The following TLK1 variants were observed in gnomAD, a reference collection of about 807,000 sequenced individuals.
TLK1 encodes serine/threonine-protein kinase tousled-like 1.
A neutral mutation model predicts 105.3 loss-of-function variants in TLK1; 24 were observed. The ratio of observed to expected loss-of-function variants is 0.23; its 90% CI spans 0.17 to 0.32. TLK1 has a LOEUF of 0.32. Ranked by LOEUF, TLK1 falls within the 10% of genes least tolerant of loss-of-function variation. The pLI is 1.00. For missense variants in TLK1, 558 were observed against 910.5 expected, an observed-to-expected ratio of 0.61 and a Z score of 4.98; for synonymous variants, 321 against 310.4, an observed-to-expected ratio of 1.03 and a Z score of -0.36.
Position 171,027,553 on chromosome 2 carries a change from C to T in TLK1, c.1236+786G>A, listed in dbSNP as rs186570720. 3.1e-3 allele frequency among the ~76,000 whole-genome samples: 473 copies of T among 152,274 alleles called. 3 individuals are homozygous for T. The highest frequency in any genetic ancestry group is 4.8e-3 in the Non-Finnish European group (326 of 68,008). The stretch of plus-strand genomic sequence containing the variant: ...TATCCCTTTATACTATCACTAAGTG[C>T]TTTTTCCTACGTACATCTTCTAATC... On this transcript the variant is annotated intron_variant, in intron 12 of 20. Coordinates refer to ENST00000431350, the MANE Select transcript of TLK1 (RefSeq NM_012290.5).
intron 3 of TLK1, among the ~76,000 whole-genome samples, chr2:171,065,725 A>AG (rs369115830): frequency 0.016 from 2,431 of 152,158 alleles, 64 homozygotes; most frequent in African/African-American, 0.052. Flanking sequence ...TTTTTAGTAG[A>AG]GGGGGGTTTC....
At position 171,173,459 on chromosome 2, in the gene TLK1, C is replaced by G. The variant is rs973963890; in HGVS notation, c.-5-55602G>C. ...CTGTAGTGCACTGGTTTCATCACAT[C>G]TGACTGCAGCCCCAAACTCCTGGGC... On this transcript the variant is annotated intron_variant, in intron 1 of 20. Coordinates refer to the TLK1 transcript ENST00000521943. 2.0e-5 allele frequency among the ~76,000 whole-genome samples: 3 copies of G among 152,212 alleles called. No individual in the cohort carries two copies. The East Asian group carries it at 5.8e-4, about 29-fold the overall frequency.
chr2:171,125,513 A>G (rs1229413118), intron 1 of TLK1, among the ~76,000 whole-genome samples: 4 of 152,152 alleles, frequency 2.6e-5, no homozygotes, highest in Non-Finnish European at 5.9e-5. Flanking sequence ...CTGGTCACAG[A>G]TGTGGCACTC....
chr2:171,112,607 A>C (rs1453258244), intron 2 of TLK1, among the ~76,000 whole-genome samples: 1 of 152,190 alleles, frequency 6.6e-6, no homozygotes, highest in African/African-American at 2.4e-5. Flanking sequence ...GATAAGGAAA[A>C]AATATGTATT....
intron 8 of TLK1, among the ~76,000 whole-genome samples, chr2:171,051,852 C>A (rs561112932): frequency 1.3e-5 from 2 of 152,248 alleles, no homozygotes; most frequent in South Asian, 4.2e-4. Context: ...ATAGAGCTGG[C>A]AGTATAAGAA....
intron 1 of TLK1, among the ~76,000 whole-genome samples, chr2:171,190,624 C>T (rs933265341): frequency 6.6e-6 from 1 of 152,280 alleles, no homozygotes; most frequent in African/African-American, 2.4e-5. Context: ...AACAAACTTG[C>T]TAGAGGAAAG....
intron 14 of TLK1, among the ~76,000 whole-genome samples, chr2:171,010,933 A>G (rs983953026): frequency 3.3e-5 from 5 of 152,232 alleles, no homozygotes; most frequent in Admixed American, 2.6e-4. Context: ...GATTCTGGAA[A>G]TAAGACAACA....
At chr2:171,154,868 C>A (rs1449542554) in intron 1 of TLK1, among the ~76,000 whole-genome samples, 1 of 152,120 alleles carries the variant, frequency 6.6e-6, no homozygotes, top group East Asian at 1.9e-4. Context: ...ACTTACTACA[C>A]TTATTAATAT....
chr2:171,059,794 G>C, intron 4 of TLK1: 2 of 668,158 alleles, frequency 3.0e-6, no homozygotes, highest in East Asian at 2.7e-5. Context: ...TCTCATAAGG[G>C]AGTGCATAAC....
intron 18 of TLK1, among the ~76,000 whole-genome samples, chr2:170,998,044 CTTTA>C (rs1346376217): frequency 2.0e-4 from 28 of 137,148 alleles, no homozygotes; most frequent in South Asian, 5.1e-4. Context: ...CTCTATCTAT[CTTTA>C]TCTATCTATC....
At chr2:171,191,390 G>A (rs957964967) in intron 1 of TLK1, among the ~76,000 whole-genome samples, 1 of 151,296 alleles carries the variant, frequency 6.6e-6, no homozygotes, top group African/African-American at 2.5e-5. Context: ...GCAACATGGT[G>A]AGACCCACCA....
chr2:171,156,605 G>A (rs982657735), intron 1 of TLK1, among the ~76,000 whole-genome samples: 6 of 152,146 alleles, frequency 3.9e-5, no homozygotes, highest in Non-Finnish European at 8.8e-5. Context: ...CCATTGTAAA[G>A]GAGACATCTG....
chr2:171,089,850 A>G (rs915601970), intron 2 of TLK1, among the ~76,000 whole-genome samples: 1 of 152,086 alleles, frequency 6.6e-6, no homozygotes, highest in Non-Finnish European at 1.5e-5. Context: ...AATTTTATCA[A>G]TAATACCACA....
chr2:171,000,122 A>G (rs1301681222), intron 18 of TLK1, among the ~76,000 whole-genome samples: 2 of 152,114 alleles, frequency 1.3e-5, no homozygotes, highest in African/African-American at 2.4e-5. Context: ...TCATGCCTGT[A>G]ATCCCAGCAC....
At chr2:171,221,839 G>C (rs1326888507) in intron 1 of TLK1, among the ~76,000 whole-genome samples, 1 of 152,178 alleles carries the variant, frequency 6.6e-6, no homozygotes, top group African/African-American at 2.4e-5. Flanking sequence ...AGTCCTATCC[G>C]GTTAGGGCCC....
At chr2:171,137,301 G>A (rs1157786175) in intron 1 of TLK1, among the ~76,000 whole-genome samples, 2 of 151,732 alleles carry the variant, frequency 1.3e-5, no homozygotes, top group African/African-American at 2.4e-5. Context: ...AAAGTTTGCT[G>A]ACTCATGCTC....
At chr2:171,133,547 T>C (rs1691188226) in intron 1 of TLK1, among the ~76,000 whole-genome samples, 1 of 152,102 alleles carries the variant, frequency 6.6e-6, no homozygotes, top group Non-Finnish European at 1.5e-5. Context: ...TGCAGTGAGC[T>C]GAAACTCTAC....
chr2:171,060,784 G>A (rs1342046589), intron 4 of TLK1, among the ~76,000 whole-genome samples: 1 of 151,938 alleles, frequency 6.6e-6, no homozygotes, highest in Non-Finnish European at 1.5e-5. Context: ...TGAGATTGAA[G>A]TTTTTAATTC....
chr2:171,017,611 A>C (rs1238549802), intron 12 of TLK1, among the ~76,000 whole-genome samples: 1 of 152,194 alleles, frequency 6.6e-6, no homozygotes, highest in African/African-American at 2.4e-5. Flanking sequence ...TTACAAAATA[A>C]ATACTTGTTA....
Sources: allele counts gnomAD v4.1 joint callset (sites outside exome capture counted in the v4.1 genomes callset), GRCh38; gene constraint gnomAD v4.1.1; transcripts MANE v1.5; gene names NCBI Gene and HGNC (gene_info 2026-07-23, HGNC 2026-07-21).